APBB2: variants seen among roughly 807,000 people sequenced by gnomAD.
The protein encoded by APBB2 is Fe65-like 1.
A neutral mutation model predicts 82.5 loss-of-function variants in APBB2; 38 were observed. The observed-to-expected ratio is 0.46, with a 90% CI of 0.36 to 0.60. The LOEUF (loss-of-function observed/expected upper bound fraction) is 0.60. Ranked by LOEUF, APBB2 falls within the 20% of genes least tolerant of loss-of-function variation. APBB2 has a pLI of 0.00. For missense variants in APBB2, 772 were observed against 972.3 expected (o/e 0.79, Z 2.74); for synonymous variants, 341 against 368.2 (o/e 0.93, Z 0.85).
intron 2 of APBB2, chr4:41,118,206 C>T (rs972978549): frequency 6.6e-6 from 1 of 152,000 alleles, no homozygotes; most frequent in Non-Finnish European, 1.5e-5. Flanking sequence ...GAGCAAGATC[C>T]TATCAAAACA....
At chr4:40,886,943 A>C (rs1468344243) in intron 12 of APBB2, among the ~76,000 whole-genome samples, 5 of 152,230 alleles carry the variant, frequency 3.3e-5, no homozygotes, top group Admixed American at 1.3e-4. Flanking sequence ...GCCAAGAAAG[A>C]GGAGGCAGCC....
At chr4:40,822,951 TCA>T (rs1748520586) in intron 16 of APBB2, among the ~76,000 whole-genome samples, 1 of 152,028 alleles carries the variant, frequency 6.6e-6, no homozygotes, top group South Asian at 2.1e-4. Flanking sequence ...TGAGGAGAGC[TCA>T]GTGTGGCCAG....
At chr4:40,914,397 T>C (rs1779338398) in intron 10 of APBB2, among the ~76,000 whole-genome samples, 1 of 149,498 alleles carries the variant, frequency 6.7e-6, no homozygotes. Flanking sequence ...AACAAAAAAA[T>C]AAAAATCATC....
chr4:40,901,635 G>C (rs908946379), intron 10 of APBB2, among the ~76,000 whole-genome samples: 4 of 152,112 alleles, frequency 2.6e-5, no homozygotes, highest in Non-Finnish European at 4.4e-5. Flanking sequence ...TCAGCCTCCT[G>C]AGCAGCTGGG....
At chr4:40,869,705 G>GA (rs11445226) in intron 12 of APBB2, among the ~76,000 whole-genome samples, 39,867 of 151,878 alleles carry the variant, frequency 0.26, 5,364 homozygotes, top group Admixed American at 0.32. Context: ...TACGTGAAAT[G>GA]AAAAAAATTC....
intron 2 of APBB2, among the ~76,000 whole-genome samples, chr4:41,120,953 G>C (rs1319575295): frequency 6.6e-6 from 1 of 152,108 alleles, no homozygotes; most frequent in Non-Finnish European, 1.5e-5. Context: ...ACTAATTCAG[G>C]GTGTTAACTT....
chr4:41,033,119 G>C (rs1413696181), intron 5 of APBB2, 117 bp downstream of exon 5: 1 of 792,844 alleles, frequency 1.3e-6, no homozygotes, highest in Non-Finnish European at 2.1e-6. Context: ...GAAGAACAAT[G>C]AAATTAAAAA....
chr4:40,959,256 A>T (rs957522988), intron 6 of APBB2, among the ~76,000 whole-genome samples: 11 of 152,266 alleles, frequency 7.2e-5, no homozygotes, highest in Non-Finnish European at 1.5e-4. Context: ...GGAGAAGAGA[A>T]GACAAAATAC....
rs1211704819 is a variant in APBB2 at position 40,811,205 on chromosome 4, A to AATC, written c.*4884_*4886dup. The AATC allele has an allele frequency of 2.0e-5, 3 of 152,216 alleles. No homozygotes were observed. The highest frequency in any genetic ancestry group is 6.5e-5 in the Admixed American group (1 of 15,282). 9.4% of individuals were successfully genotyped at this position (152,216 alleles called of 1,614,324 possible). A position where few individuals can be genotyped will look rare whatever the true frequency, so the allele number is the denominator to read the frequency against. On this transcript the variant is annotated 3_prime_UTR_variant, in exon 18 of 18. Transcript: ENST00000508593. ...TTACACTGCAGTTTTCTTCTTTGAG[A>AATC]ATCTTCTATGAAGGACAGGATTATT...
At chr4:40,932,838 T>C (rs958666013) in intron 10 of APBB2, among the ~76,000 whole-genome samples, 2 of 152,176 alleles carry the variant, frequency 1.3e-5, no homozygotes, top group Non-Finnish European at 2.9e-5. Context: ...TTCTTCCGTA[T>C]GCTTTCTCTT....
intron 1 of APBB2, among the ~76,000 whole-genome samples, chr4:41,164,460 T>G (rs1765969783): frequency 6.6e-6 from 1 of 152,180 alleles, no homozygotes; most frequent in Admixed American, 6.5e-5. Flanking sequence ...TGACACAGGA[T>G]GCAAAAGGCG....
At chr4:41,126,408 G>T (rs1754409425) in intron 2 of APBB2, among the ~76,000 whole-genome samples, 1 of 151,980 alleles carries the variant, frequency 6.6e-6, no homozygotes, top group Non-Finnish European at 1.5e-5. Flanking sequence ...ATAAACAACA[G>T]AAGAAAATGA....
At chr4:40,930,422 TG>T (rs1560308071) in intron 10 of APBB2, among the ~76,000 whole-genome samples, 1 of 111,922 alleles carries the variant, frequency 8.9e-6, no homozygotes, top group African/African-American at 4.1e-5. Flanking sequence ...TTTGGGGAAG[TG>T]TGTGTGTGTG....
intron 12 of APBB2, among the ~76,000 whole-genome samples, chr4:40,868,318 T>C (rs1764559916): frequency 1.3e-5 from 2 of 152,250 alleles, no homozygotes; most frequent in Non-Finnish European, 2.9e-5. Flanking sequence ...GATTCTGACA[T>C]GCACTTGGAT....
At chr4:41,006,053 C>T (rs1182292067) in intron 6 of APBB2, among the ~76,000 whole-genome samples, 2 of 152,200 alleles carry the variant, frequency 1.3e-5, no homozygotes, top group East Asian at 1.9e-4. Context: ...CCTTTCCGTC[C>T]CCTGAAGTAC....
rs1560657338 is a variant in APBB2 at position 40,838,138 on chromosome 4, TTA to T, written c.1530-7563_1530-7562del. Among the ~76,000 whole-genome samples, 76 of 20,166 alleles carry T rather than the reference TTA, an allele frequency of 3.8e-3. 1 individual carries two copies. Among genetic ancestry groups the T allele is most frequent in the African/African-American group, 0.023 (74 of 3,180 alleles). The allele number at this position is 20,166 out of a possible 152,430, so 13.2% of individuals were successfully genotyped here. ...AAATGATTCTTTATTCAAGTGGGCA[TTA>T]TTATTATTATTATTATTATTATTAT... is the stretch of plus-strand genomic sequence containing the variant. On this transcript the variant is annotated intron_variant, in intron 12 of 17. Transcript: ENST00000508593.
chr4:41,201,285 G>A (rs1384013716), intron 1 of APBB2, among the ~76,000 whole-genome samples: 2 of 152,070 alleles, frequency 1.3e-5, no homozygotes, highest in East Asian at 1.9e-4. Context: ...AAACACAGAG[G>A]GACTGTCATC....
Position 41,070,464 on chromosome 4 carries a change from CA to C in APBB2, c.-148-4792del, listed in dbSNP as rs575417789. Among the ~76,000 whole-genome samples the C allele has an allele frequency of 1.6e-3, 246 of 152,096 alleles. 1 individual carries two copies. The highest frequency in any genetic ancestry group is 5.6e-3 in the African/African-American group (234 of 41,504). On this transcript the variant is annotated intron_variant, in intron 3 of 17. Transcript: ENST00000508593. Reference sequence around the variant, plus strand: ...AGCTGGGATTACAGGCATGCACCACCACACCCGACTAATTTTTAGTAGAGAC... The same window carrying C: ...AGCTGGGATTACAGGCATGCACCACCCACCCGACTAATTTTTAGTAGAGAC...
chr4:40,925,006 G>C (rs1782251803), intron 10 of APBB2, among the ~76,000 whole-genome samples: 1 of 152,196 alleles, frequency 6.6e-6, no homozygotes, highest in South Asian at 2.1e-4. Context: ...GGGGGAGAGG[G>C]AATCACTAAC....
Sources: gnomAD v4.1 joint callset for allele counts (sites outside exome capture counted in the v4.1 genomes callset) on GRCh38, gnomAD v4.1.1 for gene constraint, MANE v1.5 for transcripts, NCBI Gene and HGNC (gene_info 2026-07-23, HGNC 2026-07-21) for gene names.